Variants in TMEM132C observed in about 807,000 individuals in gnomAD.
The protein encoded by TMEM132C is transmembrane protein 132C.
In TMEM132C, 29 loss-of-function variants were observed where a neutral mutation model predicts 61.4. That is an observed-to-expected ratio of 0.47 (90% confidence interval 0.35 to 0.64). The LOEUF (loss-of-function observed/expected upper bound fraction) is 0.64, where lower values mean the gene tolerates loss of function less well. Ranked by LOEUF, TMEM132C falls within the 30% of genes least tolerant of loss-of-function variation. The pLI is 0.00. For synonymous variants in TMEM132C, 656 were observed against 633.1 expected (o/e 1.04, Z -0.54); for missense variants, 1,408 against 1,476.9 (o/e 0.95, Z 0.76).
chr12:128,556,371 A>G (rs1442329274), intron 3 of TMEM132C, among the ~76,000 whole-genome samples: 3 of 152,218 alleles, frequency 2.0e-5, no homozygotes, highest in Non-Finnish European at 4.4e-5. Context: ...TGTGTAGGAC[A>G]TGGCGCCCAT....
At chr12:128,471,153 C>T (rs1713614) in intron 2 of TMEM132C, among the ~76,000 whole-genome samples, 9,259 of 152,208 alleles carry the variant, frequency 0.061, 346 homozygotes, top group South Asian at 0.11. Context: ...CTGTGACAAC[C>T]AGATGTCTCC....
At chr12:128,539,826 C>T (rs1027632837) in intron 2 of TMEM132C, among the ~76,000 whole-genome samples, 5 of 152,140 alleles carry the variant, frequency 3.3e-5, no homozygotes, top group African/African-American at 1.2e-4. Flanking sequence ...ACGCCATCTT[C>T]CAAAATGTAT....
intron 2 of TMEM132C, among the ~76,000 whole-genome samples, chr12:128,520,647 C>T (rs1484254131): frequency 6.6e-6 from 1 of 152,136 alleles, no homozygotes; most frequent in African/African-American, 2.4e-5. Flanking sequence ...GTGGACTCTA[C>T]CCACTAAAAT....
intron 1 of TMEM132C, among the ~76,000 whole-genome samples, chr12:128,291,631 T>C (rs1277989015): frequency 6.6e-6 from 1 of 152,216 alleles, no homozygotes; most frequent in East Asian, 1.9e-4. Context: ...GGATATGCCC[T>C]GGAGCAATCC....
At chr12:128,313,657 C>G (rs1872050694) in intron 1 of TMEM132C, among the ~76,000 whole-genome samples, 1 of 152,190 alleles carries the variant, frequency 6.6e-6, no homozygotes, top group Admixed American at 6.5e-5. Context: ...CAATTAGGAT[C>G]TAGCCCCTGG....
At chr12:128,280,701 G>A (rs58352994) in intron 1 of TMEM132C, among the ~76,000 whole-genome samples, 8,883 of 152,236 alleles carry the variant, frequency 0.058, 825 homozygotes, top group African/African-American at 0.19. Context: ...CTGTTATACT[G>A]TTGGCTTCCT....
chr12:128,302,262 G>A (rs2135919264), intron 1 of TMEM132C, among the ~76,000 whole-genome samples: 1 of 152,234 alleles, frequency 6.6e-6, no homozygotes, highest in Admixed American at 6.5e-5. Flanking sequence ...ATAATTTTTG[G>A]GTCTTGGAAG....
At chr12:128,400,132 C>T (rs1310604963) in intron 1 of TMEM132C, 3 of 152,338 alleles carry the variant, frequency 2.0e-5, no homozygotes, top group South Asian at 4.1e-4. Context: ...AAAACCCTCG[C>T]GCACTGAGGA....
At chr12:128,505,159 G>T (rs1872315818) in intron 2 of TMEM132C, among the ~76,000 whole-genome samples, 1 of 152,120 alleles carries the variant, frequency 6.6e-6, no homozygotes. Flanking sequence ...GGCTCATTGG[G>T]AAGGAGATGG....
Position 128,393,320 on chromosome 12 carries a change from G to A in TMEM132C, c.86-21412G>A, listed in dbSNP as rs556389200. Among the ~76,000 whole-genome samples, 6 of 152,214 alleles carry A rather than the reference G, an allele frequency of 3.9e-5. No homozygotes were observed. The East Asian group carries it at 1.2e-3, about 29-fold the overall frequency. ...ACTTTCAGAATTCCCAACTTCATGG[G>A]ACCCTTGCCAGTCAGACACGTCTCA... is the stretch of plus-strand genomic sequence containing the variant. On this transcript the variant is annotated intron_variant, in intron 1 of 8. Transcript: ENST00000435159.
At chr12:128,699,047 G>T (rs1291100660) in intron 8 of TMEM132C, among the ~76,000 whole-genome samples, 1 of 152,184 alleles carries the variant, frequency 6.6e-6, no homozygotes, top group Non-Finnish European at 1.5e-5. Flanking sequence ...TCCAGCCATA[G>T]TGCAGGATTT....
At chr12:128,639,206 A>G (rs1330327993) in intron 4 of TMEM132C, among the ~76,000 whole-genome samples, 1 of 147,410 alleles carries the variant, frequency 6.8e-6, no homozygotes, top group East Asian at 2.1e-4. Context: ...TGGGGTGATG[A>G]TGATGGTGAT....
At chr12:128,344,966 T>C (rs1204441356) in intron 1 of TMEM132C, among the ~76,000 whole-genome samples, 1 of 151,220 alleles carries the variant, frequency 6.6e-6, no homozygotes, top group African/African-American at 2.4e-5. Context: ...TTATTTTAAG[T>C]TCAGGGCTCT....
chr12:128,655,203 C>G (rs1185304629), intron 4 of TMEM132C, among the ~76,000 whole-genome samples: 1 of 152,186 alleles, frequency 6.6e-6, no homozygotes, highest in African/African-American at 2.4e-5. Context: ...CCTTCGCAAG[C>G]CGGCGGTAAC....
At position 128,688,064 on chromosome 12, in the gene TMEM132C, C is replaced by T. The variant is rs115110440; in HGVS notation, c.1450-5765C>T. On this transcript the variant is annotated intron_variant, in intron 5 of 8. Transcript: ENST00000435159. ...GCCCCTGGGGGATGGGATGAGGAAA[C>T]GTGGGCAGAGCCACTTGAGGAGAGG... 9.3e-3 allele frequency among the ~76,000 whole-genome samples: 1,413 copies of T among 152,314 alleles called. 20 individuals carry two copies. The highest frequency in any genetic ancestry group is 0.032 in the African/African-American group (1,335 of 41,552).
chr12:128,284,225 G>A (rs1240919191), intron 1 of TMEM132C, among the ~76,000 whole-genome samples: 1 of 152,146 alleles, frequency 6.6e-6, no homozygotes, highest in Non-Finnish European at 1.5e-5. Flanking sequence ...TATTGGTTCT[G>A]TTTCTCTGGA....
At chr12:128,676,859 G>A (rs187309401) in intron 5 of TMEM132C, among the ~76,000 whole-genome samples, 17 of 152,314 alleles carry the variant, frequency 1.1e-4, no homozygotes, top group African/African-American at 3.9e-4. Flanking sequence ...GCCAGTGTGC[G>A]GTGTAAAAGT....
chr12:128,631,756 AT>A (rs113491508), intron 4 of TMEM132C, among the ~76,000 whole-genome samples: 4 of 151,754 alleles, frequency 2.6e-5, no homozygotes, highest in South Asian at 2.1e-4. Flanking sequence ...CTGTCTGTGG[AT>A]TTTTTTTCTC....
chr12:128,429,616 T>C (rs1348246583), intron 2 of TMEM132C, among the ~76,000 whole-genome samples: 1 of 152,194 alleles, frequency 6.6e-6, no homozygotes, highest in African/African-American at 2.4e-5. Flanking sequence ...AAGGCCAATT[T>C]TCATGTTCAC....
Sources: allele counts gnomAD v4.1 joint callset (sites outside exome capture counted in the v4.1 genomes callset), GRCh38; gene constraint gnomAD v4.1.1; transcripts MANE v1.5; gene names NCBI Gene and HGNC (gene_info 2026-07-23, HGNC 2026-07-21).